Variants in SNAP91 observed in about 807,000 individuals in gnomAD.
The protein encoded by SNAP91 is clathrin coat assembly protein AP180.
In SNAP91, 27 loss-of-function variants were observed where a neutral mutation model predicts 100.3. That is an observed-to-expected ratio of 0.27 (90% CI 0.20 to 0.37). The LOEUF is 0.37. SNAP91 is among the 10% of genes least tolerant of loss of function. SNAP91 has a pLI of 1.00. For missense variants in SNAP91, 986 were observed against 1,123.7 expected (o/e 0.88, Z 1.75); for synonymous variants, 404 against 398.6 (o/e 1.01, Z -0.16).
intron 8 of SNAP91, among the ~76,000 whole-genome samples, chr6:83,638,416 C>T (rs2097547232): frequency 6.6e-6 from 1 of 152,032 alleles, no homozygotes; most frequent in Non-Finnish European, 1.5e-5. Context: ...GCTTTAGGAA[C>T]AGTTTAGCCA....
In SNAP91 at chr6:83,707,857, C is replaced by A. The variant is rs1459671034; in HGVS notation, c.71G>T (p.Arg24Ile). Residue 24 changes from arginine to isoleucine, a missense_variant, in exon 2 of 30, where the codon AGA (arginine) becomes ATA (isoleucine). Around this residue, in one of 4 missense-constraint regions of SNAP91, gnomAD observed 330 missense variants for 447.5 expected, o/e 0.74. Transcript: ENST00000369694. ...QYSVTGSAVA[R>I]AVCKATTHEV... ...ATGAGTAGTGGCTTTGCAGACCGCT[C>A]TTGCTACAGCAGAGCCTGTAACGCT... 1 of 1,612,890 alleles carries A rather than the reference C, an allele frequency of 6.2e-7. No individual in the cohort carries two copies. The highest frequency in any genetic ancestry group is 8.5e-7 in the Non-Finnish European group (1 of 1,179,530).
chr6:83,652,471 G>A (rs2098248573), intron 7 of SNAP91, among the ~76,000 whole-genome samples: 1 of 152,044 alleles, frequency 6.6e-6, no homozygotes, highest in Non-Finnish European at 1.5e-5. Context: ...CATTGATAGT[G>A]TGAGTATAAC....
chr6:83,660,522 T>G (rs1377475207), intron 5 of SNAP91, among the ~76,000 whole-genome samples: 1 of 151,734 alleles, frequency 6.6e-6, no homozygotes, highest in East Asian at 1.9e-4. Context: ...ATATAAGATA[T>G]GCACAAATGT....
chr6:83,690,503 G>A, intron 2 of SNAP91: 1 of 912,762 alleles, frequency 1.1e-6, no homozygotes, highest in Non-Finnish European at 1.5e-6. Context: ...TAAAGCAACA[G>A]ATACATTGAA....
rs71296897 is a variant in SNAP91, at chr6:83,570,556, CG to C, written c.2442+4453del. Among the ~76,000 whole-genome samples the C allele has an allele frequency of 4.3e-4, 56 of 129,776 alleles. 2 individuals are homozygous for C. The highest frequency in any genetic ancestry group is 1.6e-4 in the African/African-American group (5 of 30,792). 85.1% of individuals were successfully genotyped at this position (129,776 alleles called of 152,430 possible). A position where few individuals can be genotyped will look rare whatever the true frequency, so the allele number is the denominator to read the frequency against. ...ACAGACCTGGAGGTTTACGGGGTGG[CG>C]GGGGGGGAAGTGGTTTCATGGGCTG... is the stretch of plus-strand genomic sequence containing the variant. On this transcript the variant is annotated intron_variant, in intron 26 of 29. Transcript: ENST00000369694.
At chr6:83,583,986 TG>T (rs1230956012) in intron 22 of SNAP91, among the ~76,000 whole-genome samples, 2 of 152,216 alleles carry the variant, frequency 1.3e-5, no homozygotes, top group Non-Finnish European at 2.9e-5. Context: ...AGTATTTGAA[TG>T]GCATAAGTAT....
intron 13 of SNAP91, among the ~76,000 whole-genome samples, chr6:83,606,729 T>C (rs1465967182): frequency 2.6e-5 from 4 of 152,214 alleles, no homozygotes; most frequent in Non-Finnish European, 5.9e-5. Flanking sequence ...AATATTCTTT[T>C]GAAGAAAGGA....
At chr6:83,598,371 A>G (rs2094746193) in intron 16 of SNAP91, among the ~76,000 whole-genome samples, 2 of 152,176 alleles carry the variant, frequency 1.3e-5, no homozygotes, top group Admixed American at 1.3e-4. Flanking sequence ...AACTACCTAC[A>G]TTGAAAGGAC....
chr6:83,565,109 C>G (rs776670293), intron 26 of SNAP91, among the ~76,000 whole-genome samples: 2 of 151,392 alleles, frequency 1.3e-5, no homozygotes, highest in African/African-American at 4.9e-5. Flanking sequence ...TATAGGGTAG[C>G]AGAATATGCC....
intron 8 of SNAP91, among the ~76,000 whole-genome samples, chr6:83,627,263 G>C (rs1442385941): frequency 3.9e-5 from 6 of 152,052 alleles, no homozygotes. Context: ...TTATTTTGTT[G>C]AGGATTTCTG....
intron 8 of SNAP91, among the ~76,000 whole-genome samples, chr6:83,639,940 G>A (rs1161574064): frequency 1.3e-5 from 2 of 152,006 alleles, no homozygotes; most frequent in African/African-American, 4.8e-5. Flanking sequence ...AAAAACACCT[G>A]TATAGCAGCA....
intron 9 of SNAP91, among the ~76,000 whole-genome samples, chr6:83,619,352 C>A (rs1168472915): frequency 2.0e-5 from 3 of 152,160 alleles, no homozygotes; most frequent in Non-Finnish European, 2.9e-5. Context: ...GGAATGTCTA[C>A]CTTTTCTCAA....
rs191442719 is a variant in SNAP91, at chr6:83,602,805, T to G, written c.1142-1206A>C. On this transcript the variant is annotated intron_variant, in intron 14 of 29. Transcript: ENST00000369694. ...TCATCAAAAGGTGAACATCAGGCCC[T>G]ATAAGGTGCCTTTGTACTAATTATA... Among the ~76,000 whole-genome samples, 916 of 152,196 alleles carry G rather than the reference T, an allele frequency of 6.0e-3. 7 individuals carry two copies. The highest frequency in any genetic ancestry group is 0.021 in the African/African-American group (883 of 41,542).
chr6:83,634,343 TCTAGGC>T (rs2097342699), intron 8 of SNAP91, among the ~76,000 whole-genome samples: 1 of 151,898 alleles, frequency 6.6e-6, no homozygotes, highest in African/African-American at 2.4e-5. Flanking sequence ...TCTCCTGTTA[TCTAGGC>T]CTACGGTTTC....
At position 83,705,753 on chromosome 6, in the gene SNAP91, C is replaced by T. The variant is rs1588353827; in HGVS notation, c.130+2045G>A. On this transcript the variant is annotated intron_variant, in intron 2 of 29. Coordinates refer to ENST00000369694, the MANE Select transcript of SNAP91 (RefSeq NM_001242792.2). ...TCGAACCTGGGAGGCTGCAGTGGGC[C>T]GACAATGCACCACTGCACTCCAGCC... Among the ~76,000 whole-genome samples, 5 of 151,148 alleles carry T rather than the reference C, an allele frequency of 3.3e-5. No individual in the cohort carries two copies. In the South Asian group the frequency reaches 1.0e-3, roughly 32 times the overall value.
intron 23 of SNAP91, among the ~76,000 whole-genome samples, chr6:83,581,039 A>G (rs970005513): frequency 6.6e-6 from 1 of 152,226 alleles, no homozygotes; most frequent in African/African-American, 2.4e-5. Flanking sequence ...CAGGCATTCA[A>G]TATTGCCATT....
At chr6:83,698,736 T>C (rs1406069106) in intron 2 of SNAP91, among the ~76,000 whole-genome samples, 1 of 152,156 alleles carries the variant, frequency 6.6e-6, no homozygotes, top group Non-Finnish European at 1.5e-5. Flanking sequence ...CACTCCAATA[T>C]CTAAGACCCT....
intron 13 of SNAP91, among the ~76,000 whole-genome samples, chr6:83,606,636 G>A (rs978418748): frequency 6.6e-6 from 1 of 152,192 alleles, no homozygotes; most frequent in East Asian, 1.9e-4. Flanking sequence ...CAGGTGCCAA[G>A]CCATCAGGGT....
At chr6:83,683,138 T>A (rs920700122) in intron 2 of SNAP91, among the ~76,000 whole-genome samples, 5 of 152,070 alleles carry the variant, frequency 3.3e-5, no homozygotes, top group Admixed American at 1.3e-4. Context: ...AAACCACCCT[T>A]TTCTGGCCTT....
Sources: gnomAD v4.1 joint callset for allele counts (sites outside exome capture counted in the v4.1 genomes callset) on GRCh38, gnomAD v4.1.1 for gene constraint, gnomAD v4.1.1 regional missense constraint, MANE v1.5 for transcripts, NCBI Gene and HGNC (gene_info 2026-07-23, HGNC 2026-07-21) for gene names.